The following ARMC3 variants were observed in gnomAD, a reference collection of about 807,000 sequenced individuals.
ARMC3 encodes the protein armadillo repeat-containing protein 3.
In ARMC3, 74 loss-of-function variants were observed where a neutral mutation model predicts 90.3. The ratio of observed to expected loss-of-function variants is 0.82; its 90% confidence interval spans 0.68 to 0.99. The LOEUF is 0.99. Among genes scored for constraint, ARMC3 ranks in the 50% least tolerant of loss-of-function variants. ARMC3 has a pLI of 0.00. For missense variants in ARMC3, 958 were observed against 1,042.8 expected, an observed-to-expected ratio of 0.92 and a Z score of 1.12; for synonymous variants, 334 against 361.8, an observed-to-expected ratio of 0.92 and a Z score of 0.87.
In ARMC3 at chr10:22,998,059, C is replaced by G; in HGVS notation, c.1176-89C>G. ...TTATTTCTAAAATCGTATTTCTGTA[C>G]TCATTTGTTTTAGCAGCTTAGTTGC... On this transcript the variant is annotated intron_variant, in intron 10 of 18. Coordinates refer to ENST00000298032, the MANE Select transcript of ARMC3 (RefSeq NM_173081.5). The G allele has an allele frequency of 2.8e-6, 4 of 1,404,332 alleles. No homozygotes were observed. The Admixed American group carries it at 6.6e-5, about 23-fold the overall frequency. 87.0% of individuals were successfully genotyped at this position (1,404,332 alleles called of 1,614,324 possible).
intron 16 of ARMC3, among the ~76,000 whole-genome samples, chr10:23,027,748 AC>A (rs1326467939): frequency 6.6e-6 from 1 of 151,708 alleles, no homozygotes; most frequent in Non-Finnish European, 1.5e-5. Flanking sequence ...TCTATACTGT[AC>A]CCTTTCTCTT....
Position 22,981,659 on chromosome 10 carries a change from A to G in ARMC3, c.1134A>G (p.Leu378=), listed in dbSNP as rs754398357. 1 of 1,614,108 alleles carries G rather than the reference A, an allele frequency of 6.2e-7. No homozygotes were observed. Among genetic ancestry groups the G allele is most frequent in the African/African-American group, 1.3e-5 (1 of 75,068 alleles). ...AAGAGGTACGGGAAGCAGCAGCTCT[A>G]GCCCTGGCAAACCTAACCACTTGCA... ...DNEEVREAAA[L]ALANLTTCNP... Residue 378 remains leucine, a synonymous_variant, in exon 10 of 19, where the codon CTA becomes CTG. Coordinates refer to ENST00000298032, the MANE Select transcript of ARMC3 (RefSeq NM_173081.5).
Position 23,038,017 on chromosome 10 carries a change from A to G in ARMC3, c.*538A>G, listed in dbSNP as rs936988682. On this transcript the variant is annotated 3_prime_UTR_variant, in exon 19 of 19. Coordinates refer to ENST00000298032, the MANE Select transcript of ARMC3 (RefSeq NM_173081.5). ...TTTTTGTTTCTATTTTTAAAAATTC[A>G]TCATTAAAAACACTTTAATATAGTG... The G allele has an allele frequency of 2.0e-5, 3 of 152,242 alleles. No individual in the cohort carries two copies. The highest frequency in any genetic ancestry group is 2.9e-5 in the Non-Finnish European group (2 of 68,048). The allele number at this position is 152,242 out of a possible 1,614,324, so 9.4% of individuals were successfully genotyped here. A position where few individuals can be genotyped will look rare whatever the true frequency, so the allele number is the denominator to read the frequency against.
At chr10:23,002,225 A>C (rs1837331134) in intron 12 of ARMC3, among the ~76,000 whole-genome samples, 170 bp downstream of exon 12, 1 of 152,238 alleles carries the variant, frequency 6.6e-6, no homozygotes, top group Non-Finnish European at 1.5e-5. Context: ...ACCTGGAGGC[A>C]AGGGGGTCCC....
chr10:23,007,016 C>A, intron 14 of ARMC3, 35 bp downstream of exon 14: 2 of 1,489,456 alleles, frequency 1.3e-6, no homozygotes, highest in Non-Finnish European at 1.8e-6. Flanking sequence ...TGAAGGGAAG[C>A]ACATACTGCT....
chr10:22,981,181 A>C (rs900261132), intron 8 of ARMC3, among the ~76,000 whole-genome samples, 159 bp from the exon 9 acceptor site: 1 of 152,234 alleles, frequency 6.6e-6, no homozygotes, highest in Non-Finnish European at 1.5e-5. Flanking sequence ...TAATTACTGT[A>C]TTCTAAAGTT....
At chr10:23,001,846 T>G in intron 11 of ARMC3, 73 bp from the exon 12 acceptor site, 75 of 1,488,240 alleles carry the variant, frequency 5.0e-5, no homozygotes, top group Non-Finnish European at 6.3e-5. Context: ...AATCAAATAA[T>G]GAGATTTTTT....
chr10:23,015,144 T>C lies in ARMC3; in HGVS notation c.2045+6213T>C, dbSNP rs529773464. Among the ~76,000 whole-genome samples, 6 of 152,234 alleles carry C rather than the reference T, an allele frequency of 3.9e-5. No homozygotes were observed. The East Asian group carries it at 1.2e-3, about 29-fold the overall frequency. On this transcript the variant is annotated intron_variant, in intron 16 of 18. Transcript: ENST00000298032. The stretch of plus-strand genomic sequence containing the variant: ...CAATTACATGTGAAGTGTTCTAATA[T>C]GGAGAAGAGAAAGGGGAAGTACGGA...
chr10:22,996,807 C>G (rs757433751), intron 10 of ARMC3, among the ~76,000 whole-genome samples: 10 of 152,162 alleles, frequency 6.6e-5, no homozygotes, highest in Non-Finnish European at 1.5e-4. Context: ...ATTGTCATAA[C>G]TTCTTTTCTT....
chr10:23,020,162 T>G (rs1382925753), intron 16 of ARMC3, among the ~76,000 whole-genome samples: 1 of 151,870 alleles, frequency 6.6e-6, no homozygotes. Context: ...AGAGTCTCGC[T>G]CTGTTGCCCA....
rs1194210501 is a variant in ARMC3, at chr10:22,986,117, C to T, written c.1175+4417C>T. Among the ~76,000 whole-genome samples the T allele has an allele frequency of 1.9e-4, 28 of 148,396 alleles. 1 individual carries two copies. Among genetic ancestry groups the T allele is most frequent in the Non-Finnish European group, 1.0e-4 (7 of 66,938 alleles). ...CACACCCCTGCACTGCACGCCCCCC[C>T]CCCGCGCCACACACCAACCACTAGC... On this transcript the variant is annotated intron_variant, in intron 10 of 18. Transcript: ENST00000298032.
chr10:22,998,351 C>A lies in ARMC3; in HGVS notation c.1379C>A (p.Ala460Asp). Reference protein sequence around the residue: ...SANTVVQSKAALAVTATACDV... With the variant: ...SANTVVQSKADLAVTATACDV... Reference sequence around the variant, plus strand: ...AACACAGTCGTGCAGAGCAAAGCTGCTCTCGCTGTCACCGCAACTGCGTGT... The same window carrying A: ...AACACAGTCGTGCAGAGCAAAGCTGATCTCGCTGTCACCGCAACTGCGTGT... The change falls in exon 11 of 19, where the codon GCT becomes GAT. Residue 460 changes from alanine to aspartate, a missense_variant. By Grantham distance (126) the Ala-to-Asp change is moderately radical. Transcript: ENST00000298032. The A allele has an allele frequency of 6.2e-7, 1 of 1,614,076 alleles. No homozygotes were observed. The highest frequency in any genetic ancestry group is 8.5e-7 in the Non-Finnish European group (1 of 1,180,000).
In ARMC3 at chr10:23,004,992, G is replaced by A. The variant is rs577797438; in HGVS notation, c.1731+1578G>A. 3.0e-3 allele frequency among the ~76,000 whole-genome samples: 89 copies of A among 29,470 alleles called. 1 individual carries two copies. The highest frequency in any genetic ancestry group is 0.025 in the East Asian group (74 of 2,914). 19.3% of individuals were successfully genotyped at this position (29,470 alleles called of 152,430 possible). On this transcript the variant is annotated intron_variant, in intron 13 of 18. Transcript: ENST00000298032. ...AGCACTTTGGGAGGCCGAGGTGGGC[G>A]GATCACGAGGTCAGATCGAGACCAT...
chr10:22,962,153 A>T, intron 7 of ARMC3, 75 bp downstream of exon 7: 1 of 1,140,142 alleles, frequency 8.8e-7, no homozygotes, highest in Non-Finnish European at 1.2e-6. Flanking sequence ...AAATTTTATT[A>T]TACTTAACGT....
chr10:22,963,886 CT>C (rs1287771183), intron 7 of ARMC3, among the ~76,000 whole-genome samples: 3 of 57,176 alleles, frequency 5.2e-5, no homozygotes, highest in African/African-American at 7.7e-5. Flanking sequence ...GAGACTCTGT[CT>C]CACACACACA....
intron 2 of ARMC3, among the ~76,000 whole-genome samples, chr10:22,936,764 G>A (rs904530621): frequency 3.9e-5 from 6 of 152,074 alleles, no homozygotes; most frequent in Admixed American, 1.3e-4. Context: ...TACTATAATG[G>A]TGCAGGCTCT....
At chr10:22,947,155 C>T (rs1834562487) in intron 3 of ARMC3, among the ~76,000 whole-genome samples, 1 of 151,648 alleles carries the variant, frequency 6.6e-6, no homozygotes, top group Non-Finnish European at 1.5e-5. Flanking sequence ...AAAATAGAAA[C>T]ATTAGCCAGG....
chr10:23,037,650 TG>T lies in ARMC3; in HGVS notation c.*172del. The T allele has an allele frequency of 1.6e-6, 1 of 637,536 alleles. No individual in the cohort carries two copies. The highest frequency in any genetic ancestry group is 2.9e-5 in the East Asian group (1 of 34,220). The allele number at this position is 637,536 out of a possible 1,614,324, so 39.5% of individuals were successfully genotyped here. ...CTTGGAGTGAACTTTGCTGTGCTTCTGATTTCAGGCTTTTGGCAAGAGTTCT... is the reference window on the plus strand; with the variant it reads ...CTTGGAGTGAACTTTGCTGTGCTTCTATTTCAGGCTTTTGGCAAGAGTTCT... On this transcript the variant is annotated 3_prime_UTR_variant, in exon 19 of 19. Coordinates refer to ENST00000298032, the MANE Select transcript of ARMC3 (RefSeq NM_173081.5).
intron 11 of ARMC3, among the ~76,000 whole-genome samples, chr10:23,001,084 G>A (rs1412520882): frequency 6.6e-6 from 1 of 152,202 alleles, no homozygotes; most frequent in East Asian, 1.9e-4. Context: ...TTTCTCTGGA[G>A]AATTGCTTGA....
Sources: gnomAD v4.1 joint callset for allele counts (sites outside exome capture counted in the v4.1 genomes callset) on GRCh38, gnomAD v4.1.1 for gene constraint, MANE v1.5 for transcripts, NCBI Gene and HGNC (gene_info 2026-07-23, HGNC 2026-07-21) for gene names.